CSNK1G2: variants seen among roughly 807,000 people sequenced by gnomAD.
The protein encoded by CSNK1G2 is casein kinase 1 gamma 2.
In CSNK1G2, 11 loss-of-function variants were observed where a neutral mutation model predicts 48.0. That is an observed-to-expected ratio of 0.23 (90% confidence interval 0.14 to 0.38). The LOEUF (loss-of-function observed/expected upper bound fraction) is 0.38, where lower values mean the gene tolerates loss of function less well. Ranked by LOEUF, CSNK1G2 falls within the 10% of genes least tolerant of loss-of-function variation. CSNK1G2 has a pLI of 1.00. For missense variants in CSNK1G2, 446 were observed against 595.5 expected (o/e 0.75, Z 2.61); for synonymous variants, 337 against 254.1 (o/e 1.33, Z -3.10).
intron 1 of CSNK1G2, chr19:1,942,750 C>T (rs1042379525): frequency 1.3e-5 from 2 of 152,220 alleles, no homozygotes; most frequent in African/African-American, 4.8e-5. Context: ...ACAGCCCAGC[C>T]TAGCCTGGGG....
intron 2 of CSNK1G2, among the ~76,000 whole-genome samples, chr19:1,972,096 G>C (rs1016591642): frequency 6.6e-6 from 1 of 152,184 alleles, no homozygotes; most frequent in African/African-American, 2.4e-5. Context: ...ACTGAGTTGC[G>C]GTTTGCGCTC....
intron 1 of CSNK1G2, among the ~76,000 whole-genome samples, chr19:1,949,729 G>T (rs2014696068): frequency 6.6e-6 from 1 of 152,232 alleles, no homozygotes; most frequent in East Asian, 1.9e-4. Flanking sequence ...TCCCCTGCCG[G>T]GTTTTGGGGA....
Position 1,981,302 on chromosome 19 carries a change from G to A in CSNK1G2, c.*1099G>A, listed in dbSNP as rs1187337820. 6.6e-6 allele frequency: 1 copy of A among 152,100 alleles called. No individual in the cohort carries two copies. Among genetic ancestry groups the A allele is most frequent in the Admixed American group, 6.6e-5 (1 of 15,260 alleles). The allele number at this position is 152,100 out of a possible 1,614,324, so 9.4% of individuals were successfully genotyped here. A position where few individuals can be genotyped will look rare whatever the true frequency, so the allele number is the denominator to read the frequency against. Reference sequence around the variant, plus strand: ...CTCCCTTGAAGCCATAGAATTTAGGGGCTTTTTTAAAAAAATAAAAGAAAA... The same window carrying A: ...CTCCCTTGAAGCCATAGAATTTAGGAGCTTTTTTAAAAAAATAAAAGAAAA... On this transcript the variant is annotated 3_prime_UTR_variant, in exon 12 of 12. Coordinates refer to ENST00000255641, the MANE Select transcript of CSNK1G2 (RefSeq NM_001319.7).
intron 1 of CSNK1G2, among the ~76,000 whole-genome samples, chr19:1,947,213 C>T (rs1341102290): frequency 6.6e-6 from 1 of 152,062 alleles, no homozygotes; most frequent in Non-Finnish European, 1.5e-5. Flanking sequence ...GTGAGGCACC[C>T]CAAGTCCTGG....
At chr19:1,973,105 T>G (rs1231420048) in intron 2 of CSNK1G2, among the ~76,000 whole-genome samples, 1 of 151,666 alleles carries the variant, frequency 6.6e-6, no homozygotes. Context: ...TTTTTTGTAT[T>G]TTTAGTAGAG....
At chr19:1,976,981 C>T (rs935732253) in intron 2 of CSNK1G2, among the ~76,000 whole-genome samples, 3 of 152,176 alleles carry the variant, frequency 2.0e-5, no homozygotes, top group African/African-American at 4.8e-5. Context: ...TCAGGTGATC[C>T]GCCTGCGTCA....
chr19:1,946,297 A>ATTATTTATTTATTTATTTG (rs1568178934), intron 1 of CSNK1G2, among the ~76,000 whole-genome samples: 2 of 146,608 alleles, frequency 1.4e-5, no homozygotes, highest in African/African-American at 2.5e-5. Flanking sequence ...TTTTTTATTT[A>ATTATTTATTTATTTATTTG]TTTATTTTTT....
chr19:1,970,581 G>C (rs776591479), intron 2 of CSNK1G2, among the ~76,000 whole-genome samples: 1 of 152,224 alleles, frequency 6.6e-6, no homozygotes, highest in South Asian at 2.1e-4. Context: ...CTGGGGTGGG[G>C]GTGCCTGAAG....
At chr19:1,954,817 C>T (rs1220578939) in intron 1 of CSNK1G2, 1 of 152,242 alleles carries the variant, frequency 6.6e-6, no homozygotes, top group Non-Finnish European at 1.5e-5. Flanking sequence ...GCCCGGGAGC[C>T]ATCCTTGGCG....
chr19:1,950,087 G>A lies in CSNK1G2; in HGVS notation c.-266+8669G>A, dbSNP rs1287777189. ...ATCATCGAGGTGGCCCTGGCCTTTC[G>A]AGGCCACAAAAATCAACGTTTATTT... On this transcript the variant is annotated intron_variant, in intron 1 of 11. Transcript: ENST00000255641. 2.6e-5 allele frequency among the ~76,000 whole-genome samples: 4 copies of A among 152,134 alleles called. No homozygotes were observed. In the East Asian group the frequency reaches 5.8e-4, roughly 22 times the overall value.
chr19:1,978,555 G>A lies in CSNK1G2; in HGVS notation c.298+44G>A. 1.3e-6 allele frequency: 2 copies of A among 1,570,324 alleles called. No individual in the cohort carries two copies. The highest frequency in any genetic ancestry group is 8.6e-7 in the Non-Finnish European group (1 of 1,158,510). ...GTGGGGCGGGGGCTGCGCAGGGGCA[G>A]GGAGGGGGCTGCCGCCGCACGCCCG... On this transcript the variant is annotated intron_variant, in intron 4 of 11. Coordinates refer to ENST00000255641, the MANE Select transcript of CSNK1G2 (RefSeq NM_001319.7). The surrounding 1 kb of genome is among the most constrained non-coding windows in gnomAD (Gnocchi z 7.3).
intron 1 of CSNK1G2, among the ~76,000 whole-genome samples, chr19:1,962,562 G>A (rs1266226838): frequency 6.6e-6 from 1 of 152,052 alleles, no homozygotes; most frequent in African/African-American, 2.4e-5. Context: ...CTACTCGGGA[G>A]GCTGAGGCAA....
intron 1 of CSNK1G2, among the ~76,000 whole-genome samples, chr19:1,947,168 A>G (rs1169885944): frequency 6.6e-6 from 1 of 152,154 alleles, no homozygotes; most frequent in Non-Finnish European, 1.5e-5. Flanking sequence ...CTTAAAGGTA[A>G]TCCCTCAATT....
chr19:1,945,860 G>A (rs1006277068), intron 1 of CSNK1G2, among the ~76,000 whole-genome samples: 26 of 151,194 alleles, frequency 1.7e-4, no homozygotes, highest in Non-Finnish European at 3.4e-4. Flanking sequence ...CCCTTGATGC[G>A]CATCTGCTGA....
At chr19:1,975,702 T>G (rs1015946129) in intron 2 of CSNK1G2, 10 of 982,354 alleles carry the variant, frequency 1.0e-5, no homozygotes, top group African/African-American at 1.7e-5. Flanking sequence ...TGTCCTGAGC[T>G]CTAAAACTTC....
intron 1 of CSNK1G2, among the ~76,000 whole-genome samples, chr19:1,951,666 C>T (rs2014767518): frequency 7.9e-6 from 1 of 126,856 alleles, no homozygotes; most frequent in Non-Finnish European, 1.7e-5. Context: ...GTCCACCCCT[C>T]CCCACCTTCC....
rs138558858 is a variant in CSNK1G2 at position 1,979,263 on chromosome 19, C to T, written c.768+15C>T. On this transcript the variant is annotated intron_variant, in intron 7 of 11. Coordinates refer to ENST00000255641, the MANE Select transcript of CSNK1G2 (RefSeq NM_001319.7). ...AGGGGCTCAAGGTGGGCGAGGAGGC[C>T]GGGCAGGCGGGCGGGGACGCAGGGC... 9.6e-6 allele frequency: 15 copies of T among 1,562,788 alleles called. No homozygotes were observed. The highest frequency in any genetic ancestry group is 1.9e-5 in the Admixed American group (1 of 52,118).
At chr19:1,952,689 A>T (rs140461653) in intron 1 of CSNK1G2, 1 of 247,160 alleles carries the variant, frequency 4.0e-6, no homozygotes, top group African/African-American at 2.4e-5. Context: ...CCTGACTCTG[A>T]GGGTCATGCG....
At chr19:1,974,762 G>A (rs1412312642) in intron 2 of CSNK1G2, 3 of 152,236 alleles carry the variant, frequency 2.0e-5, no homozygotes, top group African/African-American at 4.8e-5. Context: ...CCTGTGCCAA[G>A]GTGTGGACCT....
Sources: gnomAD v4.1 joint callset for allele counts (sites outside exome capture counted in the v4.1 genomes callset) on GRCh38, gnomAD v4.1.1 for gene constraint, Gnocchi (gnomAD v3.1) non-coding constraint, MANE v1.5 for transcripts, NCBI Gene and HGNC (gene_info 2026-07-23, HGNC 2026-07-21) for gene names.